The following DMD variants were observed in gnomAD, a reference collection of about 807,000 sequenced individuals.
DMD encodes mutant dystrophin.
A neutral mutation model predicts 330.1 loss-of-function variants in DMD; 63 were observed. That is an observed-to-expected ratio of 0.19 (90% CI 0.16 to 0.24). DMD has a LOEUF of 0.24. Ranked by LOEUF, DMD falls within the 10% of genes least tolerant of loss-of-function variation. The pLI, the probability that DMD is intolerant of heterozygous loss-of-function variation, is 1.00. For missense variants in DMD, 3,344 were observed against 2,684.1 expected, an observed-to-expected ratio of 1.25 and a Z score of -5.43; for synonymous variants, 1,223 against 959.8, an observed-to-expected ratio of 1.27 and a Z score of -5.07.
chrX:31,998,072 C>G (rs2095601200), intron 44 of DMD, among the ~76,000 whole-genome samples: 1 of 111,354 alleles, frequency 9.0e-6, no homozygotes, highest in African/African-American at 3.3e-5. Context: ...TTAAACCCAG[C>G]AAACGCAGAG....
At chrX:32,787,244 GTGTGAGA>G (rs2075446579) in intron 7 of DMD, among the ~76,000 whole-genome samples, 1 of 93,704 alleles carries the variant, frequency 1.1e-5, no homozygotes, top group Non-Finnish European at 2.2e-5. Context: ...GTGTGTGTGT[GTGTGAGA>G]GAGAGAGAGA....
intron 1 of DMD, among the ~76,000 whole-genome samples, chrX:33,045,022 C>A (rs1178868163): frequency 9.1e-6 from 1 of 110,157 alleles, no homozygotes; most frequent in Non-Finnish European, 1.9e-5. Context: ...TGTTCAGTCC[C>A]AAATAAAGGA....
intron 1 of DMD, among the ~76,000 whole-genome samples, chrX:33,322,929 T>C (rs907092596): frequency 6.3e-5 from 7 of 111,311 alleles, no homozygotes; most frequent in Middle Eastern, 4.7e-3. Flanking sequence ...CTTTATGTCG[T>C]TTTTATTCTC....
At chrX:32,408,088 C>T (rs928945476) in intron 30 of DMD, among the ~76,000 whole-genome samples, 3 of 110,153 alleles carry the variant, frequency 2.7e-5, no homozygotes, top group Non-Finnish European at 5.7e-5. Context: ...CTAACCTGCA[C>T]GTTGTGCACA....
chrX:32,518,280 C>A (rs771505470), intron 17 of DMD, 149 bp from the exon 18 acceptor site: 12 of 578,927 alleles, frequency 2.1e-5, no homozygotes, highest in Non-Finnish European at 3.3e-5. Context: ...CACTATTTTC[C>A]CTGTTAGGTA....
intron 62 of DMD, among the ~76,000 whole-genome samples, chrX:31,288,648 G>A (rs181298798): frequency 5.4e-4 from 60 of 111,934 alleles, no homozygotes; most frequent in African/African-American, 1.9e-3. Context: ...CAAAGGAACT[G>A]AATAATGTGG....
intron 52 of DMD, among the ~76,000 whole-genome samples, chrX:31,692,299 C>T (rs1305203606): frequency 9.1e-6 from 1 of 110,483 alleles, no homozygotes; most frequent in Non-Finnish European, 1.9e-5. Context: ...TCAATAAATT[C>T]CTACATCAAA....
chrX:32,697,825 A>T (rs201206322), intron 9 of DMD, 45 bp downstream of exon 9: 129 of 1,205,012 alleles, frequency 1.1e-4, no homozygotes, highest in Non-Finnish European at 1.4e-4. Context: ...ATTATCTTGG[A>T]AGCAGTTCTC....
intron 13 of DMD, among the ~76,000 whole-genome samples, chrX:32,588,767 T>A (rs775230020): frequency 9.0e-6 from 1 of 111,264 alleles, no homozygotes; most frequent in East Asian, 2.8e-4. Context: ...AAATACAAGA[T>A]AAGGTTGAGA....
intron 2 of DMD, among the ~76,000 whole-genome samples, chrX:32,887,810 A>G (rs1195086740): frequency 9.6e-6 from 1 of 104,012 alleles, no homozygotes; most frequent in Non-Finnish European, 1.9e-5. Flanking sequence ...TGGTCTGGGC[A>G]AGGATTTTTT....
At chrX:31,885,864 C>T (rs540346545) in intron 47 of DMD, among the ~76,000 whole-genome samples, 1 of 109,958 alleles carries the variant, frequency 9.1e-6, no homozygotes, top group South Asian at 3.8e-4. Flanking sequence ...TTACTGTTTG[C>T]CATTTGTTAA....
intron 62 of DMD, among the ~76,000 whole-genome samples, chrX:31,301,524 T>G (rs758125240): frequency 2.7e-5 from 3 of 111,313 alleles, no homozygotes; most frequent in Non-Finnish European, 3.8e-5. Flanking sequence ...CTAGATCTCT[T>G]GAGAACTCAC....
At chrX:32,516,754 CAGCA>C (rs893908975) in intron 18 of DMD, 2 of 111,370 alleles carry the variant, frequency 1.8e-5, no homozygotes, top group Admixed American at 9.6e-5. Context: ...TCAAAAATCA[CAGCA>C]AACAATTTAC....
At chrX:33,052,369 T>C (rs2148012845) in intron 1 of DMD, among the ~76,000 whole-genome samples, 1 of 112,127 alleles carries the variant, frequency 8.9e-6, no homozygotes, top group Non-Finnish European at 1.9e-5. Context: ...CGAGAATGAC[T>C]TTTTTTCTCC....
At chrX:32,942,087 C>G (rs1023522099) in intron 2 of DMD, among the ~76,000 whole-genome samples, 1 of 90,205 alleles carries the variant, frequency 1.1e-5, no homozygotes, top group Admixed American at 1.1e-4. Flanking sequence ...ACAAACCATC[C>G]TATTCTCTTA....
intron 60 of DMD, among the ~76,000 whole-genome samples, chrX:31,426,620 T>A (rs1310135414): frequency 8.9e-6 from 1 of 112,293 alleles, no homozygotes; most frequent in East Asian, 2.8e-4. Flanking sequence ...CAGTCTGAAT[T>A]CCTAACCTCG....
At chrX:33,158,283 G>C (rs1466376593) in intron 1 of DMD, among the ~76,000 whole-genome samples, 2 of 111,619 alleles carry the variant, frequency 1.8e-5, no homozygotes. Flanking sequence ...TTTAAGTTCA[G>C]TCATATGCCA....
At chrX:31,194,045 G>T (rs913038996) in intron 67 of DMD, among the ~76,000 whole-genome samples, 2 of 110,924 alleles carry the variant, frequency 1.8e-5, no homozygotes, top group Non-Finnish European at 3.8e-5. Flanking sequence ...GCCGGGTGTG[G>T]TGGTGCATGC....
intron 44 of DMD, among the ~76,000 whole-genome samples, chrX:32,109,773 T>C (rs971815383): frequency 8.9e-6 from 1 of 111,870 alleles, no homozygotes; most frequent in Non-Finnish European, 1.9e-5. Context: ...GAGGAAATCA[T>C]AAAAGAGCGG....
Sources: allele counts gnomAD v4.1 joint callset (sites outside exome capture counted in the v4.1 genomes callset), GRCh38; gene constraint gnomAD v4.1.1; transcripts MANE v1.5; gene names NCBI Gene and HGNC (gene_info 2026-07-23, HGNC 2026-07-21).